Variants in SEMA3E observed in about 807,000 individuals in gnomAD.
SEMA3E encodes the protein semaphorin-3E.
A neutral mutation model predicts 93.6 loss-of-function variants in SEMA3E; 49 were observed. The observed-to-expected ratio is 0.52, with a 90% CI of 0.42 to 0.66. The LOEUF (loss-of-function observed/expected upper bound fraction) is 0.66. Among genes scored for constraint, SEMA3E ranks in the 30% least tolerant of loss-of-function variants. SEMA3E has a pLI of 0.00. For missense variants in SEMA3E, 906 were observed against 964.8 expected (o/e 0.94, Z 0.81); for synonymous variants, 363 against 330.7 (o/e 1.10, Z -1.06).
chr7:83,622,143 G>GA lies in SEMA3E; in HGVS notation c.115+26284dup, dbSNP rs200039478. Among the ~76,000 whole-genome samples the GA allele has an allele frequency of 5.0e-4, 72 of 145,042 alleles. No homozygotes were observed. In the East Asian group the frequency reaches 8.9e-3, roughly 18 times the overall value. On this transcript the variant is annotated intron_variant, in intron 1 of 16. Coordinates refer to ENST00000643230, the MANE Select transcript of SEMA3E (RefSeq NM_012431.3). Reference sequence around the variant, plus strand: ...ACGAGGAACTTAAACAAATTTACAAGAAAAAAAAAACACTTAAAAGTGGGC... The same window carrying GA: ...ACGAGGAACTTAAACAAATTTACAAGAAAAAAAAAAACACTTAAAAGTGGGC...
At chr7:83,607,823 C>A (rs895625943) in intron 1 of SEMA3E, among the ~76,000 whole-genome samples, 1 of 152,050 alleles carries the variant, frequency 6.6e-6, no homozygotes, top group Admixed American at 6.6e-5. Flanking sequence ...GGAGGAGGAG[C>A]CTTGGAGACC....
chr7:83,600,870 A>G (rs1024142486), intron 1 of SEMA3E, among the ~76,000 whole-genome samples: 3 of 152,164 alleles, frequency 2.0e-5, no homozygotes, highest in Non-Finnish European at 2.9e-5. Flanking sequence ...TACTTGGAAT[A>G]ATGGCATCCT....
Position 83,581,886 on chromosome 7 carries a change from G to C in SEMA3E, c.115+66542C>G, listed in dbSNP as rs1584345276. ...AGGATAATGGTTGGAGGGCTTTTTG[G>C]AGCAATAGGAAATCCTGTCACCATT... On this transcript the variant is annotated intron_variant, in intron 1 of 16. Transcript: ENST00000643230. Among the ~76,000 whole-genome samples, 4 of 151,880 alleles carry C rather than the reference G, an allele frequency of 2.6e-5. No individual in the cohort carries two copies. In the South Asian group the frequency reaches 8.3e-4, roughly 31 times the overall value.
At chr7:83,467,088 A>T (rs1274135212) in intron 3 of SEMA3E, among the ~76,000 whole-genome samples, 2 of 132,948 alleles carry the variant, frequency 1.5e-5, no homozygotes, top group Non-Finnish European at 3.1e-5. Flanking sequence ...TTCCCAAGAC[A>T]GGGTCTCACT....
rs564229220 is a variant in SEMA3E, at chr7:83,541,373, G to T, written c.116-51099C>A. On this transcript the variant is annotated intron_variant, in intron 1 of 16. Transcript: ENST00000643230. ...ACACAGTAGAGGTCAGTAAACATTTGGTGAATCAATAAACAAATAAAAGAC... is the reference window on the plus strand; with the variant it reads ...ACACAGTAGAGGTCAGTAAACATTTTGTGAATCAATAAACAAATAAAAGAC... 7.2e-5 allele frequency among the ~76,000 whole-genome samples: 11 copies of T among 152,190 alleles called. No homozygotes were observed. The South Asian group carries it at 2.1e-3, about 29-fold the overall frequency.
intron 16 of SEMA3E, among the ~76,000 whole-genome samples, chr7:83,377,034 A>C (rs1787657306): frequency 6.6e-6 from 1 of 151,978 alleles, no homozygotes; most frequent in South Asian, 2.1e-4. Flanking sequence ...GTTTGCCCCC[A>C]AATTCCCCTA....
chr7:83,549,004 A>G (rs1292633050), intron 1 of SEMA3E, among the ~76,000 whole-genome samples: 2 of 152,138 alleles, frequency 1.3e-5, no homozygotes, highest in Non-Finnish European at 2.9e-5. Flanking sequence ...AAAGACAAAG[A>G]AGCCCAAAGG....
At chr7:83,598,797 T>C (rs1792927175) in intron 1 of SEMA3E, among the ~76,000 whole-genome samples, 1 of 152,216 alleles carries the variant, frequency 6.6e-6, no homozygotes, top group African/African-American at 2.4e-5. Context: ...GTATATGTCT[T>C]TGTCATCACT....
At chr7:83,456,167 A>G (rs1789474311) in intron 4 of SEMA3E, among the ~76,000 whole-genome samples, 1 of 152,242 alleles carries the variant, frequency 6.6e-6, no homozygotes. Flanking sequence ...AATGAAAACC[A>G]TTTTAATTTT....
intron 1 of SEMA3E, among the ~76,000 whole-genome samples, chr7:83,532,725 T>C (rs1404839820): frequency 6.6e-6 from 1 of 151,662 alleles, no homozygotes; most frequent in Non-Finnish European, 1.5e-5. Context: ...TTTTATATGA[T>C]CTTGAAGTCT....
intron 1 of SEMA3E, among the ~76,000 whole-genome samples, chr7:83,529,921 G>T (rs1298463324): frequency 6.6e-6 from 1 of 151,832 alleles, no homozygotes; most frequent in Admixed American, 6.6e-5. Context: ...CTGTAGTAAA[G>T]CCCACTTAAT....
intron 1 of SEMA3E, among the ~76,000 whole-genome samples, chr7:83,610,658 T>G (rs2115580582): frequency 6.6e-6 from 1 of 152,122 alleles, no homozygotes; most frequent in Admixed American, 6.6e-5. Context: ...GCCCAATACC[T>G]CAGAATGTGA....
chr7:83,500,111 TGGTATTTTTCTGC>T (rs1217458536), intron 1 of SEMA3E, among the ~76,000 whole-genome samples: 4 of 152,292 alleles, frequency 2.6e-5, no homozygotes, highest in African/African-American at 9.6e-5. Flanking sequence ...TGAACTACTG[TGGTATTTTTCTGC>T]AACATTAGCC....
At chr7:83,570,259 T>A (rs538700625) in intron 1 of SEMA3E, among the ~76,000 whole-genome samples, 79 of 152,220 alleles carry the variant, frequency 5.2e-4, no homozygotes, top group South Asian at 1.7e-3. Flanking sequence ...AATACCTTCA[T>A]CAAGAAGTTA....
intron 1 of SEMA3E, among the ~76,000 whole-genome samples, chr7:83,608,879 A>G (rs1793185917): frequency 6.6e-6 from 1 of 152,134 alleles, no homozygotes; most frequent in South Asian, 2.1e-4. Context: ...TGTTTGAGAG[A>G]TGTGAGAAAA....
At chr7:83,630,876 T>C (rs1360880698) in intron 1 of SEMA3E, among the ~76,000 whole-genome samples, 1 of 152,180 alleles carries the variant, frequency 6.6e-6, no homozygotes, top group African/African-American at 2.4e-5. Flanking sequence ...TTTGAGGAAA[T>C]TATGAATATT....
At chr7:83,445,623 C>T (rs1483999229) in intron 4 of SEMA3E, among the ~76,000 whole-genome samples, 1 of 152,148 alleles carries the variant, frequency 6.6e-6, no homozygotes, top group Non-Finnish European at 1.5e-5. Context: ...GAGGCTGAGG[C>T]AGGAGAATCG....
intron 1 of SEMA3E, among the ~76,000 whole-genome samples, chr7:83,521,925 AC>A (rs777973584): frequency 6.6e-6 from 1 of 152,156 alleles, no homozygotes; most frequent in East Asian, 1.9e-4. Flanking sequence ...AGGCACTTTT[AC>A]AAAAATTAAG....
At chr7:83,561,982 G>A (rs1244334411) in intron 1 of SEMA3E, among the ~76,000 whole-genome samples, 1 of 152,066 alleles carries the variant, frequency 6.6e-6, no homozygotes, top group Non-Finnish European at 1.5e-5. Context: ...TTGATTTGGA[G>A]GGCGCATGTA....
Sources: gnomAD v4.1 joint callset for allele counts (sites outside exome capture counted in the v4.1 genomes callset) on GRCh38, gnomAD v4.1.1 for gene constraint, MANE v1.5 for transcripts, NCBI Gene and HGNC (gene_info 2026-07-23, HGNC 2026-07-21) for gene names.